DCHS2: variants seen among roughly 807,000 people sequenced by gnomAD.
DCHS2 encodes protocadherin-23.
A neutral mutation model predicts 182.4 loss-of-function variants in DCHS2; 142 were observed. The ratio of observed to expected loss-of-function variants is 0.78; its 90% CI spans 0.68 to 0.89. DCHS2 has a LOEUF of 0.89. Among genes scored for constraint, DCHS2 ranks in the 40% least tolerant of loss-of-function variants. The probability of loss-of-function intolerance (pLI) is 0.00; values close to 1 mark genes in which losing one functional copy is unlikely to be tolerated. For synonymous variants in DCHS2, 1,740 were observed against 1,663.3 expected (o/e 1.05, Z -1.12); for missense variants, 4,319 against 4,198.6 (o/e 1.03, Z -0.79).
At chr4:154,482,573 C>T (rs1225163451) in intron 1 of DCHS2, among the ~76,000 whole-genome samples, 1 of 152,286 alleles carries the variant, frequency 6.6e-6, no homozygotes, top group East Asian at 1.9e-4. Context: ...GCGAAAAAGA[C>T]CCTCACATAC....
intron 16 of DCHS2, among the ~76,000 whole-genome samples, chr4:154,251,478 T>G (rs1732357145): frequency 6.6e-6 from 1 of 152,166 alleles, no homozygotes; most frequent in African/African-American, 2.4e-5. Context: ...CTATTGTGAT[T>G]ATTAATGTGC....
At position 154,491,111 on chromosome 4, in the gene DCHS2, A is replaced by C; in HGVS notation, c.245T>G (p.Leu82Arg). The C allele has an allele frequency of 3.2e-6, 5 of 1,551,374 alleles. No individual in the cohort carries two copies. The highest frequency in any genetic ancestry group is 4.4e-6 in the Non-Finnish European group (5 of 1,146,914). Residue 82 changes from leucine (L) to arginine (R), a missense_variant, in exon 1 of 20, where the codon CTG (leucine) becomes CGG (arginine). Transcript: ENST00000357232. ...SVDEGLPPDT[L>R]VGDIRAGLPA... is the part of the protein sequence containing the mutation. ...CAGCCCGGCGCGGATGTCACCTACC[A>C]GCGTGTCCGGGGGAAGCCCCTCATC...
At chr4:154,465,704 A>G (rs1358376387) in intron 1 of DCHS2, among the ~76,000 whole-genome samples, 1 of 151,800 alleles carries the variant, frequency 6.6e-6, no homozygotes, top group Non-Finnish European at 1.5e-5. Context: ...TACTTCTACC[A>G]TTTTCTATTA....
intron 1 of DCHS2, among the ~76,000 whole-genome samples, chr4:154,457,201 T>A (rs1734804138): frequency 6.6e-6 from 1 of 152,164 alleles, no homozygotes; most frequent in Non-Finnish European, 1.5e-5. Flanking sequence ...AAAACAGGCC[T>A]CCGTAAACCC....
chr4:154,346,521 T>C (rs1006572742), intron 3 of DCHS2, among the ~76,000 whole-genome samples: 5 of 150,702 alleles, frequency 3.3e-5, no homozygotes, highest in African/African-American at 1.2e-4. Flanking sequence ...AACATGTCCT[T>C]ATTTAGTCAA....
chr4:154,408,557 G>T (rs1169972076), intron 1 of DCHS2, among the ~76,000 whole-genome samples: 1 of 152,144 alleles, frequency 6.6e-6, no homozygotes, highest in Non-Finnish European at 1.5e-5. Context: ...AAGGTCAAAT[G>T]CAATAAAGCA....
chr4:154,418,152 G>A (rs1732952569), intron 1 of DCHS2, among the ~76,000 whole-genome samples: 1 of 152,192 alleles, frequency 6.6e-6, no homozygotes, highest in South Asian at 2.1e-4. Flanking sequence ...AAATGCACCT[G>A]TAGGTCATGG....
chr4:154,294,117 A>G (rs1734806233), intron 13 of DCHS2, among the ~76,000 whole-genome samples: 3 of 152,202 alleles, frequency 2.0e-5, no homozygotes, highest in Admixed American at 2.0e-4. Context: ...CTGCACTTTC[A>G]TCTTCATATC....
chr4:154,306,761 T>C (rs1735454597), intron 10 of DCHS2, among the ~76,000 whole-genome samples: 1 of 152,144 alleles, frequency 6.6e-6, no homozygotes, highest in Admixed American at 6.5e-5. Context: ...TATTATGTAT[T>C]GTATTACATA....
intron 1 of DCHS2, among the ~76,000 whole-genome samples, chr4:154,473,459 T>C (rs371078779): frequency 1.2e-3 from 176 of 152,340 alleles, no homozygotes; most frequent in African/African-American, 4.0e-3. Flanking sequence ...GCTAATATTA[T>C]ACAATGCAGA....
chr4:154,421,872 G>A (rs1187433501), intron 1 of DCHS2, among the ~76,000 whole-genome samples: 2 of 152,054 alleles, frequency 1.3e-5, no homozygotes, highest in Admixed American at 1.3e-4. Flanking sequence ...TTAATCTGCT[G>A]CAATCTGGTT....
chr4:154,393,257 G>A (rs1731785369), intron 1 of DCHS2, among the ~76,000 whole-genome samples: 1 of 152,084 alleles, frequency 6.6e-6, no homozygotes, highest in South Asian at 2.1e-4. Flanking sequence ...TGAATTATGT[G>A]CAAAGCCCAT....
chr4:154,322,970 C>T (rs1414762558), intron 7 of DCHS2: 1 of 414,478 alleles, frequency 2.4e-6, no homozygotes, highest in Admixed American at 4.0e-5. Context: ...TTCAAATTTT[C>T]AACCATCCCA....
chr4:154,240,075 C>T (rs908674306), intron 18 of DCHS2, among the ~76,000 whole-genome samples: 3 of 152,054 alleles, frequency 2.0e-5, no homozygotes, highest in Non-Finnish European at 2.9e-5. Context: ...GCTATCCTTG[C>T]CCTTACTTCT....
Position 154,491,720 on chromosome 4 carries a change from T to C in DCHS2, c.-365A>G. 13 of 1,062,766 alleles carry C rather than the reference T, an allele frequency of 1.2e-5. No homozygotes were observed. The highest frequency in any genetic ancestry group is 1.5e-5 in the Non-Finnish European group (13 of 881,380). The allele number at this position is 1,062,766 out of a possible 1,614,324, so 65.8% of individuals were successfully genotyped here. On this transcript the variant is annotated 5_prime_UTR_variant, in exon 1 of 20. Transcript: ENST00000357232. ...TGGTAAAGTCAGGTGCATTATTTCT[T>C]TTGCCAAAAAGGAGGAGATTATATG...
In DCHS2 at chr4:154,236,827, A is replaced by G. The variant is rs775247346; in HGVS notation, c.7825T>C (p.Tyr2609His). 4 of 1,614,084 alleles carry G rather than the reference A, an allele frequency of 2.5e-6. No individual in the cohort carries two copies. The South Asian group carries it at 3.3e-5, about 13-fold the overall frequency. The change falls in exon 20 of 20, where the codon TAT (tyrosine) becomes CAT (histidine). Residue 2609 changes from tyrosine to histidine, a missense_variant. Physicochemically the swap from Tyr to His is moderately conservative, Grantham distance 83 (BLOSUM62 2). Coordinates refer to ENST00000357232, the MANE Select transcript of DCHS2 (RefSeq NM_001358235.2). ...HVETKFFHSE[Y>H]PYKQVGYLVL... ...AGATAACCGACTTGCTTATAAGGAT[A>G]TTCTGAATGAAAGAACTTAGTTTCC...
chr4:154,362,467 AC>A lies in DCHS2; in HGVS notation c.2476+3742del, dbSNP rs577964497. 8.6e-4 allele frequency among the ~76,000 whole-genome samples: 131 copies of A among 152,286 alleles called. 1 individual carries two copies. In the Middle Eastern group the frequency reaches 0.01, roughly 12 times the overall value. Reference sequence around the variant, plus strand: ...TATTCCACAAATATATGATGGGGGCACTTTCTTAGGACTGTGTTTACACTGG... The same window carrying A: ...TATTCCACAAATATATGATGGGGGCATTTCTTAGGACTGTGTTTACACTGG... On this transcript the variant is annotated intron_variant, in intron 3 of 19. Coordinates refer to ENST00000357232, the MANE Select transcript of DCHS2 (RefSeq NM_001358235.2).
At chr4:154,283,474 G>A (rs542420187) in intron 13 of DCHS2, among the ~76,000 whole-genome samples, 1 of 149,646 alleles carries the variant, frequency 6.7e-6, no homozygotes, top group Non-Finnish European at 1.5e-5. Flanking sequence ...AAAAAAAGAT[G>A]TGCAGATAAA....
rs755319392 is a variant in DCHS2, at chr4:154,242,727, A to G, written c.6987T>C (p.Asn2329=). ...TCACCTGTACCTTGATTACAGTCGT[A>G]TTAGAAAGCCTGGGCATCCCTTTAT... The part of the protein sequence containing the change: ...ATDKGMPRLS[N]TTVIKVQVTD... Residue 2329 remains asparagine (N), a synonymous_variant, in exon 17 of 20, where the codon AAT becomes AAC. Coordinates refer to ENST00000357232, the MANE Select transcript of DCHS2 (RefSeq NM_001358235.2). The G allele has an allele frequency of 3.1e-6, 5 of 1,613,000 alleles. No homozygotes were observed. In the South Asian group the frequency reaches 5.5e-5, roughly 18 times the overall value.
Sources: allele counts gnomAD v4.1 joint callset (sites outside exome capture counted in the v4.1 genomes callset), GRCh38; gene constraint gnomAD v4.1.1; transcripts MANE v1.5; gene names NCBI Gene and HGNC (gene_info 2026-07-23, HGNC 2026-07-21).